Variants in PLA2G4A observed in about 807,000 individuals in gnomAD.
PLA2G4A encodes the protein phospholipase A2 group IVA.
PLA2G4A carries 40 observed loss-of-function variants against 81.9 expected under a neutral mutation model. The observed-to-expected ratio is 0.49, with a 90% CI of 0.38 to 0.64. The LOEUF (loss-of-function observed/expected upper bound fraction) is 0.64. PLA2G4A is among the 30% of genes least tolerant of loss of function. The probability of loss-of-function intolerance (pLI) is 0.00; values close to 1 mark genes in which losing one functional copy is unlikely to be tolerated. For missense variants in PLA2G4A, 715 were observed against 905.1 expected (o/e 0.79, Z 2.69); for synonymous variants, 302 against 296.9 (o/e 1.02, Z -0.18).
At chr1:186,871,290 T>C (rs1653258173) in intron 3 of PLA2G4A, among the ~76,000 whole-genome samples, 1 of 152,204 alleles carries the variant, frequency 6.6e-6, no homozygotes, top group Non-Finnish European at 1.5e-5. Context: ...ATTATTTAAA[T>C]CATTGGAATT....
intron 5 of PLA2G4A, 38 bp downstream of exon 5, chr1:186,894,249 T>C (rs1402550788): frequency 1.3e-6 from 1 of 791,412 alleles, no homozygotes. Context: ...AACCTTATGT[T>C]AGATAAAGTC....
intron 7 of PLA2G4A, among the ~76,000 whole-genome samples, chr1:186,931,517 CTATTATTATTATTAT>C (rs3060324): frequency 3.9e-4 from 56 of 144,964 alleles, no homozygotes; most frequent in African/African-American, 1.1e-3. Flanking sequence ...AAAATGTTTG[CTATTATTATTATTAT>C]TATTATTATT....
At chr1:186,892,855 G>A (rs1654195019) in intron 3 of PLA2G4A, among the ~76,000 whole-genome samples, 156 bp from the exon 4 acceptor site, 1 of 152,182 alleles carries the variant, frequency 6.6e-6, no homozygotes, top group African/African-American at 2.4e-5. Context: ...TCTACCCTAT[G>A]ATGTTTTTCT....
chr1:186,934,121 T>C (rs1377937862), intron 8 of PLA2G4A, among the ~76,000 whole-genome samples: 1 of 152,072 alleles, frequency 6.6e-6, no homozygotes, highest in Non-Finnish European at 1.5e-5. Flanking sequence ...AGTAATGTGT[T>C]AGAAAATCTT....
intron 10 of PLA2G4A, among the ~76,000 whole-genome samples, chr1:186,943,019 G>A (rs1427742412): frequency 3.3e-5 from 5 of 152,124 alleles, no homozygotes; most frequent in Non-Finnish European, 5.9e-5. Flanking sequence ...GGGAAAAAAA[G>A]AATAGAGACA....
intron 5 of PLA2G4A, among the ~76,000 whole-genome samples, chr1:186,898,605 A>G (rs1260139295): frequency 6.6e-6 from 1 of 152,228 alleles, no homozygotes; most frequent in Non-Finnish European, 1.5e-5. Flanking sequence ...TGAAATTTGT[A>G]TAGTCACAGG....
chr1:186,865,138 T>TA (rs1652980500), intron 2 of PLA2G4A, among the ~76,000 whole-genome samples: 2 of 150,066 alleles, frequency 1.3e-5, no homozygotes, highest in African/African-American at 4.9e-5. Flanking sequence ...TTAATGTATA[T>TA]ACTTGTGCAG....
intron 7 of PLA2G4A, among the ~76,000 whole-genome samples, chr1:186,924,042 T>C (rs538175995): frequency 6.6e-6 from 1 of 152,340 alleles, no homozygotes; most frequent in Non-Finnish European, 1.5e-5. Context: ...CCCTTTGCTT[T>C]CAAATGCAGA....
At chr1:186,841,541 T>G (rs1651982399) in intron 1 of PLA2G4A, among the ~76,000 whole-genome samples, 1 of 152,114 alleles carries the variant, frequency 6.6e-6, no homozygotes. Context: ...GGTAACTTGG[T>G]GAGGTTTATT....
chr1:186,944,127 G>A (rs1355108140), intron 10 of PLA2G4A, among the ~76,000 whole-genome samples: 1 of 152,116 alleles, frequency 6.6e-6, no homozygotes, highest in East Asian at 1.9e-4. Context: ...AGGTAAGCTG[G>A]CCCGGGAAGA....
At chr1:186,956,075 G>A in intron 13 of PLA2G4A, 27 bp from the exon 14 acceptor site, 3 of 1,606,238 alleles carry the variant, frequency 1.9e-6, no homozygotes, top group Non-Finnish European at 2.6e-6. Flanking sequence ...TTTGGAGTCT[G>A]TATGGTGACC....
At chr1:186,880,382 T>A (rs1270040082) in intron 3 of PLA2G4A, among the ~76,000 whole-genome samples, 1 of 151,994 alleles carries the variant, frequency 6.6e-6, no homozygotes, top group Non-Finnish European at 1.5e-5. Context: ...AGCTTAGCTA[T>A]TTTTTTATGA....
chr1:186,959,210 AAT>A (rs1656860866), intron 14 of PLA2G4A, among the ~76,000 whole-genome samples: 2 of 152,166 alleles, frequency 1.3e-5, no homozygotes. Flanking sequence ...TCAAAAAAAA[AAT>A]AAAAGAATAT....
chr1:186,830,944 TGC>T (rs58249277), intron 1 of PLA2G4A, among the ~76,000 whole-genome samples: 3,813 of 42,446 alleles, frequency 0.09, 70 homozygotes, highest in African/African-American at 0.13. Flanking sequence ...ATAGCTTGCT[TGC>T]TTGCTTGCTT....
At chr1:186,868,247 T>C (rs1053329296) in intron 2 of PLA2G4A, among the ~76,000 whole-genome samples, 2 of 151,954 alleles carry the variant, frequency 1.3e-5, no homozygotes, top group Non-Finnish European at 2.9e-5. Context: ...GCTAATTTTT[T>C]TTGTATTTTT....
chr1:186,843,703 A>T (rs533013588), intron 1 of PLA2G4A, among the ~76,000 whole-genome samples: 1 of 152,322 alleles, frequency 6.6e-6, no homozygotes, highest in South Asian at 2.1e-4. Flanking sequence ...AGGTGTGGGT[A>T]AGGAAAGCAC....
chr1:186,851,169 A>G (rs1341565441), intron 1 of PLA2G4A, among the ~76,000 whole-genome samples: 1 of 152,060 alleles, frequency 6.6e-6, no homozygotes, highest in African/African-American at 2.4e-5. Flanking sequence ...TGCTGCTTCA[A>G]TAAAGAAAAT....
At chr1:186,929,040 C>A (rs971535908) in intron 7 of PLA2G4A, among the ~76,000 whole-genome samples, 3 of 152,182 alleles carry the variant, frequency 2.0e-5, no homozygotes, top group Non-Finnish European at 4.4e-5. Flanking sequence ...AAACTCCAAA[C>A]TTAGTCTTTG....
intron 2 of PLA2G4A, among the ~76,000 whole-genome samples, chr1:186,863,168 C>T (rs1652878399): frequency 6.6e-6 from 1 of 152,172 alleles, no homozygotes; most frequent in Non-Finnish European, 1.5e-5. Context: ...CTCCTGGGCT[C>T]AAGCGATCCT....
Sources: gnomAD v4.1 joint callset for allele counts (sites outside exome capture counted in the v4.1 genomes callset) on GRCh38, gnomAD v4.1.1 for gene constraint, MANE v1.5 for transcripts, NCBI Gene and HGNC (gene_info 2026-07-23, HGNC 2026-07-21) for gene names.